LMO7: variants seen among roughly 807,000 people sequenced by gnomAD.
LMO7 encodes LIM domain 7, also known as LIM domain only protein 7.
In LMO7, 120 loss-of-function variants were observed where a neutral mutation model predicts 206.5. The ratio of observed to expected loss-of-function variants is 0.58; its 90% CI spans 0.50 to 0.68. The LOEUF is 0.68. Among genes scored for constraint, LMO7 ranks in the 30% least tolerant of loss-of-function variants. The probability of loss-of-function intolerance (pLI) is 0.00; values close to 1 mark genes in which losing one functional copy is unlikely to be tolerated. For synonymous variants in LMO7, 706 were observed against 681.5 expected, an observed-to-expected ratio of 1.04 and a Z score of -0.56; for missense variants, 1,959 against 1,957.9, an observed-to-expected ratio of 1.00 and a Z score of -0.01.
At chr13:75,794,276 C>G (rs1315770262) in intron 4 of LMO7, among the ~76,000 whole-genome samples, 1 of 152,096 alleles carries the variant, frequency 6.6e-6, no homozygotes, top group Non-Finnish European at 1.5e-5. Flanking sequence ...ACATTTCCAT[C>G]AGTAGTGTGA....
chr13:75,682,057 A>C (rs1344585852), intron 1 of LMO7, among the ~76,000 whole-genome samples: 1 of 152,256 alleles, frequency 6.6e-6, no homozygotes, highest in East Asian at 1.9e-4. Context: ...CAAGAAATAG[A>C]TGAACTGCTT....
chr13:75,622,424 T>C (rs1286588057), intron 1 of LMO7: 1 of 152,250 alleles, frequency 6.6e-6, no homozygotes, highest in Non-Finnish European at 1.5e-5. Flanking sequence ...AAAGCCACTT[T>C]AGGTTTCTGT....
At chr13:75,672,314 T>C (rs2039656370) in intron 1 of LMO7, among the ~76,000 whole-genome samples, 2 of 149,802 alleles carry the variant, frequency 1.3e-5, no homozygotes, top group Admixed American at 1.3e-4. Context: ...CAATCTCCAC[T>C]CACCACAACC....
chr13:75,672,102 T>A (rs970837959), intron 1 of LMO7, among the ~76,000 whole-genome samples: 1 of 152,014 alleles, frequency 6.6e-6, no homozygotes, highest in Non-Finnish European at 1.5e-5. Context: ...ATGTTCAAGT[T>A]CCTTATATAA....
intron 1 of LMO7, among the ~76,000 whole-genome samples, chr13:75,647,951 C>CTTTT (rs570513211): frequency 4.4e-5 from 4 of 91,124 alleles, no homozygotes; most frequent in African/African-American, 1.2e-4. Context: ...TCTTTTCTTT[C>CTTTT]TTTTTTTTTT....
intron 15 of LMO7, 86 bp downstream of exon 15, chr13:75,823,959 T>G: frequency 3.4e-5 from 37 of 1,096,190 alleles, no homozygotes; most frequent in Non-Finnish European, 4.7e-5. Flanking sequence ...GTCAAACCTC[T>G]AGGTGTTAAT....
intron 4 of LMO7, among the ~76,000 whole-genome samples, chr13:75,771,585 T>TTTTAAAGACTTTAAAAACAGAATTTTTAA (rs1178310800): frequency 3.9e-5 from 6 of 152,022 alleles, no homozygotes; most frequent in East Asian, 1.9e-4. Context: ...AAAACAGAAT[T>TTTTAAAGACTTTAAAAACAGAATTTTTAA]AGTAAGTATA....
chr13:75,849,303 T>A lies in LMO7; in HGVS notation c.4364+11T>A, dbSNP rs760670569. On this transcript the variant is annotated intron_variant, in intron 27 of 30. Transcript: ENST00000377534. ...TGGGATCATGAGAAGGTGCGAGACA[T>A]CTTAGGAATTGGTTTCTTGTCTTTA... 1.2e-6 allele frequency: 2 copies of A among 1,603,710 alleles called. No individual in the cohort carries two copies. The highest frequency in any genetic ancestry group is 4.5e-5 in the East Asian group (2 of 44,788).
rs10617955 is a variant in LMO7 at position 75,684,840 on chromosome 13, T to TAC, written c.70-28330_70-28329dup. On this transcript the variant is annotated intron_variant, in intron 1 of 30. Coordinates refer to ENST00000377534, the MANE Select transcript of LMO7 (RefSeq NM_001306080.2). ...ATATACATATATACACACACGCACA[T>TAC]ACACACACACACAGTTTGCTCAGCC... 2.9e-3 allele frequency among the ~76,000 whole-genome samples: 437 copies of TAC among 151,376 alleles called. 3 individuals are homozygous for TAC. The highest frequency in any genetic ancestry group is 0.01 in the African/African-American group (419 of 41,204).
intron 1 of LMO7, among the ~76,000 whole-genome samples, chr13:75,650,574 G>GA (rs1400190618): frequency 9.9e-5 from 15 of 152,136 alleles, no homozygotes; most frequent in African/African-American, 2.9e-4. Flanking sequence ...TATATTGAAG[G>GA]AAAAAAATTT....
intron 2 of LMO7, among the ~76,000 whole-genome samples, chr13:75,721,252 TAGAG>T (rs2138395568): frequency 6.6e-6 from 1 of 152,314 alleles, no homozygotes; most frequent in Non-Finnish European, 1.5e-5. Flanking sequence ...ATAAAGAAGA[TAGAG>T]ATTTTGAAGA....
chr13:75,684,791 A>G (rs1053807190), intron 1 of LMO7, among the ~76,000 whole-genome samples: 1 of 151,372 alleles, frequency 6.6e-6, no homozygotes, highest in Non-Finnish European at 1.5e-5. Context: ...ACGTATGTGT[A>G]TATATGTGTG....
chr13:75,732,758 C>T (rs1020001556), intron 3 of LMO7, among the ~76,000 whole-genome samples: 17 of 152,206 alleles, frequency 1.1e-4, no homozygotes, highest in East Asian at 3.9e-4. Context: ...GTGGTTTTGT[C>T]GGCTTTTGGT....
At chr13:75,707,875 C>T (rs1347309708) in intron 1 of LMO7, among the ~76,000 whole-genome samples, 1 of 149,862 alleles carries the variant, frequency 6.7e-6, no homozygotes, top group Admixed American at 6.6e-5. Context: ...TCTTCAGACC[C>T]CCTCATATAT....
At chr13:75,740,070 C>T (rs562778723) in intron 3 of LMO7, among the ~76,000 whole-genome samples, 5 of 152,064 alleles carry the variant, frequency 3.3e-5, no homozygotes, top group Non-Finnish European at 5.9e-5. Context: ...AGTAGGAGGC[C>T]GGAATGAATT....
chr13:75,802,335 G>A (rs1246717664), intron 7 of LMO7, among the ~76,000 whole-genome samples: 1 of 152,172 alleles, frequency 6.6e-6, no homozygotes, highest in South Asian at 2.1e-4. Context: ...CCCAGATGAC[G>A]ATTCCAATAC....
At chr13:75,837,002 C>T (rs762028548) in intron 19 of LMO7, among the ~76,000 whole-genome samples, 10 of 152,194 alleles carry the variant, frequency 6.6e-5, no homozygotes, top group Non-Finnish European at 1.3e-4. Context: ...TAGCATACAT[C>T]GTGTGCTATT....
chr13:75,684,403 G>C (rs1033778918), intron 1 of LMO7, among the ~76,000 whole-genome samples: 5 of 118,592 alleles, frequency 4.2e-5, no homozygotes, highest in African/African-American at 1.4e-4. Flanking sequence ...CACCATGTCT[G>C]GCTAATTTTG....
intron 1 of LMO7, among the ~76,000 whole-genome samples, chr13:75,640,965 G>C (rs1202039417): frequency 6.6e-6 from 1 of 152,118 alleles, no homozygotes; most frequent in Non-Finnish European, 1.5e-5. Context: ...TTCCCTCATG[G>C]GGACTTACAT....
Sources: allele counts gnomAD v4.1 joint callset (sites outside exome capture counted in the v4.1 genomes callset), GRCh38; gene constraint gnomAD v4.1.1; transcripts MANE v1.5; gene names NCBI Gene and HGNC (gene_info 2026-07-23, HGNC 2026-07-21).